PPP2R5E: variants seen among roughly 807,000 people sequenced by gnomAD.
The protein encoded by PPP2R5E is serine/threonine-protein phosphatase 2A 56 kDa regulatory subunit epsilon isoform.
Under a neutral mutation model 65.3 loss-of-function variants are expected in PPP2R5E, and 4 were observed. That is an observed-to-expected ratio of 0.06 (90% CI 0.03 to 0.14). The LOEUF (loss-of-function observed/expected upper bound fraction) is 0.14, where lower values mean the gene tolerates loss of function less well. PPP2R5E is among the 10% of genes least tolerant of loss of function. The pLI, the probability that PPP2R5E is intolerant of heterozygous loss-of-function variation, is 1.00. For synonymous variants in PPP2R5E, 183 were observed against 187.4 expected, an observed-to-expected ratio of 0.98 and a Z score of 0.19; for missense variants, 274 against 556.1, an observed-to-expected ratio of 0.49 and a Z score of 5.10.
At chr14:63,491,322 T>G (rs923574687) in intron 2 of PPP2R5E, among the ~76,000 whole-genome samples, 1 of 151,986 alleles carries the variant, frequency 6.6e-6, no homozygotes, top group Admixed American at 6.6e-5. Flanking sequence ...AACCTCAGCA[T>G]AGAGTGATAT....
intron 2 of PPP2R5E, among the ~76,000 whole-genome samples, chr14:63,534,192 T>C (rs1297510527): frequency 6.6e-6 from 1 of 152,218 alleles, no homozygotes; most frequent in Non-Finnish European, 1.5e-5. Context: ...TGCCTAACTG[T>C]TTAGTTTGAC....
intron 7 of PPP2R5E, 100 bp downstream of exon 7, chr14:63,395,126 A>G: frequency 5.2e-6 from 5 of 955,102 alleles, no homozygotes; most frequent in Non-Finnish European, 6.6e-6. Flanking sequence ...CCCAATGTAC[A>G]TACAGCAAGA....
chr14:63,489,517 C>G (rs975290883), intron 2 of PPP2R5E, among the ~76,000 whole-genome samples: 2 of 151,738 alleles, frequency 1.3e-5, no homozygotes, highest in Non-Finnish European at 2.9e-5. Flanking sequence ...TCAAGTGATC[C>G]TCCCACCTCA....
chr14:63,446,195 G>A (rs1278911584), intron 3 of PPP2R5E, among the ~76,000 whole-genome samples: 7 of 152,152 alleles, frequency 4.6e-5, no homozygotes, highest in African/African-American at 1.7e-4. Flanking sequence ...TCTCATTCTA[G>A]TTATCTTGCT....
At chr14:63,494,826 G>A (rs1392085707) in intron 2 of PPP2R5E, among the ~76,000 whole-genome samples, 3 of 151,960 alleles carry the variant, frequency 2.0e-5, no homozygotes, top group Non-Finnish European at 4.4e-5. Context: ...GAGCCCAGGG[G>A]GCGGAGGCTG....
intron 2 of PPP2R5E, among the ~76,000 whole-genome samples, chr14:63,529,425 A>G (rs1255906098): frequency 1.3e-5 from 2 of 149,684 alleles, no homozygotes; most frequent in Admixed American, 6.7e-5. Flanking sequence ...CAGTGGCGCA[A>G]TCTTGGCTCA....
At chr14:63,385,051 G>A (rs1459944344) in intron 11 of PPP2R5E, among the ~76,000 whole-genome samples, 1 of 151,966 alleles carries the variant, frequency 6.6e-6, no homozygotes, top group Non-Finnish European at 1.5e-5. Context: ...AGTGGGCCAG[G>A]CACGGTGGCT....
intron 2 of PPP2R5E, among the ~76,000 whole-genome samples, chr14:63,525,050 C>A (rs146600847): frequency 6.6e-6 from 1 of 152,210 alleles, no homozygotes; most frequent in South Asian, 2.1e-4. Context: ...TCTCTCTGCA[C>A]GAGTGGGCAA....
chr14:63,518,559 T>A (rs1255994065), intron 2 of PPP2R5E, among the ~76,000 whole-genome samples: 1 of 152,170 alleles, frequency 6.6e-6, no homozygotes, highest in Non-Finnish European at 1.5e-5. Flanking sequence ...TTATTTACAG[T>A]TTTTCTTTAA....
chr14:63,449,821 T>G (rs1400572151), intron 3 of PPP2R5E, among the ~76,000 whole-genome samples: 1 of 150,550 alleles, frequency 6.6e-6, no homozygotes, highest in Non-Finnish European at 1.5e-5. Context: ...AGCTGGCATT[T>G]GAACCCAGGT....
chr14:63,389,783 C>T lies in PPP2R5E; in HGVS notation c.955-52G>A, dbSNP rs756671250. ...GTGAGGCACATCATGAAAAAAAATC[C>T]ATAAGAACAAGGAGGATTAATGAGA... On this transcript the variant is annotated intron_variant, in intron 10 of 13. Coordinates refer to ENST00000337537, the MANE Select transcript of PPP2R5E (RefSeq NM_006246.5). 4.0e-6 allele frequency: 6 copies of T among 1,492,862 alleles called. No homozygotes were observed. In the South Asian group the frequency reaches 5.6e-5, roughly 14 times the overall value. 92.5% of individuals were successfully genotyped at this position (1,492,862 alleles called of 1,614,324 possible).
chr14:63,522,538 G>A (rs1566760786), intron 2 of PPP2R5E, among the ~76,000 whole-genome samples: 2 of 151,502 alleles, frequency 1.3e-5, no homozygotes, highest in Non-Finnish European at 2.9e-5. Flanking sequence ...TAGGAAGTGA[G>A]GAGCGTCTCT....
chr14:63,492,523 C>T (rs1187275910), intron 2 of PPP2R5E, among the ~76,000 whole-genome samples: 1 of 151,988 alleles, frequency 6.6e-6, no homozygotes, highest in East Asian at 1.9e-4. Flanking sequence ...TAAATTAATC[C>T]CATGGAAAGA....
At chr14:63,458,430 G>A (rs1287201700) in intron 2 of PPP2R5E, among the ~76,000 whole-genome samples, 2 of 152,272 alleles carry the variant, frequency 1.3e-5, no homozygotes, top group Non-Finnish European at 2.9e-5. Flanking sequence ...AAAGTAACAA[G>A]GGTAGAAGAA....
chr14:63,476,462 T>C (rs1385578271), intron 2 of PPP2R5E, among the ~76,000 whole-genome samples: 1 of 152,196 alleles, frequency 6.6e-6, no homozygotes, highest in Non-Finnish European at 1.5e-5. Context: ...ACATATCTTA[T>C]AGGCTACAAA....
rs143848349 is a variant in PPP2R5E at position 63,462,235 on chromosome 14, T to C, written c.158-8350A>G. Among the ~76,000 whole-genome samples the C allele has an allele frequency of 7.6e-3, 1,157 of 152,216 alleles. 41 individuals are homozygous for C. In the East Asian group the frequency reaches 0.11, roughly 14 times the overall value. On this transcript the variant is annotated intron_variant, in intron 2 of 13. Transcript: ENST00000337537. ...ACAGGCACCTGCCACCTTGCCCGGC[T>C]AATTTTTTGTATTTTTAGTAGAGAT...
intron 5 of PPP2R5E, among the ~76,000 whole-genome samples, chr14:63,406,264 A>G (rs1886082451): frequency 6.6e-6 from 1 of 152,108 alleles, no homozygotes; most frequent in African/African-American, 2.4e-5. Context: ...ACAAAAAATT[A>G]GCCAGGCATA....
intron 2 of PPP2R5E, among the ~76,000 whole-genome samples, chr14:63,512,782 T>A (rs74245190): frequency 6.6e-6 from 1 of 152,160 alleles, no homozygotes; most frequent in African/African-American, 2.4e-5. Flanking sequence ...AACTAAAACA[T>A]ATCTTCCAAG....
intron 2 of PPP2R5E, among the ~76,000 whole-genome samples, chr14:63,497,884 G>T (rs1891656607): frequency 6.6e-6 from 1 of 152,160 alleles, no homozygotes; most frequent in African/African-American, 2.4e-5. Flanking sequence ...ATGGCCAGAA[G>T]CATACTCACG....
Sources: allele counts gnomAD v4.1 joint callset (sites outside exome capture counted in the v4.1 genomes callset), GRCh38; gene constraint gnomAD v4.1.1; transcripts MANE v1.5; gene names NCBI Gene and HGNC (gene_info 2026-07-23, HGNC 2026-07-21).